The following STAT4 variants were observed in gnomAD, a reference collection of about 807,000 sequenced individuals.
The protein encoded by STAT4 is signal transducer and activator of transcription 4.
A neutral mutation model predicts 110.5 loss-of-function variants in STAT4; 42 were observed. That is an observed-to-expected ratio of 0.38 (90% CI 0.30 to 0.49). The LOEUF (loss-of-function observed/expected upper bound fraction) is 0.49, where lower values mean the gene tolerates loss of function less well. Among genes scored for constraint, STAT4 ranks in the 20% least tolerant of loss-of-function variants. The probability of loss-of-function intolerance (pLI) is 0.95; values close to 1 mark genes in which losing one functional copy is unlikely to be tolerated. For synonymous variants in STAT4, 284 were observed against 302.2 expected (o/e 0.94, Z 0.63); for missense variants, 632 against 887.9 (o/e 0.71, Z 3.66).
chr2:191,048,181 A>C (rs997120104), intron 14 of STAT4, among the ~76,000 whole-genome samples: 1 of 152,170 alleles, frequency 6.6e-6, no homozygotes, highest in Non-Finnish European at 1.5e-5. Context: ...TACTGAACTG[A>C]AATGTGGGTG....
At position 191,132,894 on chromosome 2, in the gene STAT4, G is replaced by A. The variant is rs573569289; in HGVS notation, c.273+13719C>T. Among the ~76,000 whole-genome samples, 168 of 151,104 alleles carry A rather than the reference G, an allele frequency of 1.1e-3. 2 individuals carry two copies. Among genetic ancestry groups the A allele is most frequent in the Non-Finnish European group, 1.8e-3 (124 of 67,920 alleles). ...CTCAGCCTCCCAAGTAGCTGAGACTGCAGGCGCCCGCCACCATGCCCGGCT... is the reference window on the plus strand; with the variant it reads ...CTCAGCCTCCCAAGTAGCTGAGACTACAGGCGCCCGCCACCATGCCCGGCT... On this transcript the variant is annotated intron_variant, in intron 3 of 23. Transcript: ENST00000392320.
At position 191,147,809 on chromosome 2, in the gene STAT4, C is replaced by T. The variant is rs934935629; in HGVS notation, c.128+267G>A. ...AGAGAACTGACAATCAATTGATTTGCTTCTTTTTTTAATACATGAAAAATT... is the reference window on the plus strand; with the variant it reads ...AGAGAACTGACAATCAATTGATTTGTTTCTTTTTTTAATACATGAAAAATT... On this transcript the variant is annotated intron_variant, in intron 2 of 23. Coordinates refer to ENST00000392320, the MANE Select transcript of STAT4 (RefSeq NM_003151.4). This position sits in a 1 kb window ranked among gnomAD's most constrained non-coding sequence, Gnocchi z 4.1. Among the ~76,000 whole-genome samples, 4 of 151,926 alleles carry T rather than the reference C, an allele frequency of 2.6e-5. No individual in the cohort carries two copies. The South Asian group carries it at 6.2e-4, about 24-fold the overall frequency.
In STAT4 at chr2:191,073,093, C is replaced by T. The variant is rs752873506; in HGVS notation, c.465+5G>A. ...CTTTCTAGGTATCTGTATAAAAGCACTTACCTGCACACTGTTTTTAATGGC... is the reference window on the plus strand; with the variant it reads ...CTTTCTAGGTATCTGTATAAAAGCATTTACCTGCACACTGTTTTTAATGGC... On this transcript the variant is annotated splice_donor_5th_base_variant and intron_variant, in intron 5 of 23. Coordinates refer to ENST00000392320, the MANE Select transcript of STAT4 (RefSeq NM_003151.4). The T allele has an allele frequency of 6.2e-7, 1 of 1,613,212 alleles. No individual in the cohort carries two copies. Among genetic ancestry groups the T allele is most frequent in the Non-Finnish European group, 8.5e-7 (1 of 1,179,272 alleles).
intron 3 of STAT4, among the ~76,000 whole-genome samples, chr2:191,137,302 C>G: frequency 6.6e-6 from 1 of 151,794 alleles, no homozygotes. Flanking sequence ...CAAGGCACTC[C>G]AGCCTGGGCA....
chr2:191,054,060 G>A (rs1190649577), intron 14 of STAT4, among the ~76,000 whole-genome samples: 1 of 146,618 alleles, frequency 6.8e-6, no homozygotes, highest in Non-Finnish European at 1.5e-5. Context: ...CCTGGGAGGC[G>A]AAAGCTGCAG....
At chr2:191,131,690 TCAA>T in intron 3 of STAT4, 1 of 1,044,270 alleles carries the variant, frequency 9.6e-7, no homozygotes, top group South Asian at 4.9e-5. Context: ...GTATAAAATG[TCAA>T]CAACAGTTTG....
chr2:191,121,632 G>A (rs1698732886), intron 3 of STAT4, among the ~76,000 whole-genome samples: 1 of 152,080 alleles, frequency 6.6e-6, no homozygotes, highest in Non-Finnish European at 1.5e-5. Context: ...GGACATGGAT[G>A]AAGCTGGAAA....
At chr2:191,093,275 C>A (rs1381870600) in intron 3 of STAT4, among the ~76,000 whole-genome samples, 1 of 152,210 alleles carries the variant, frequency 6.6e-6, no homozygotes, top group African/African-American at 2.4e-5. Context: ...TGTAGCCTAA[C>A]CGGGAGACAC....
Position 191,031,014 on chromosome 2 carries a change from C to G in STAT4, c.2178G>C (p.Ala726=), listed in dbSNP as rs139030621. The change falls in exon 23 of 24, where the codon GCG becomes GCC. Residue 726 remains alanine, a synonymous_variant. Coordinates refer to ENST00000392320, the MANE Select transcript of STAT4 (RefSeq NM_003151.4). The surrounding 1 kb of genome is among the most constrained non-coding windows in gnomAD (Gnocchi z 4.8). ...TGGGACTCAGGTTTTCTCTCAACAC[C>G]GCATACACACTTGGAGACATGGGAA... The part of the protein sequence containing the change: ...DLLPMSPSVY[A]VLRENLSPTT... The G allele has an allele frequency of 1.2e-6, 2 of 1,613,920 alleles. No individual in the cohort carries two copies. The highest frequency in any genetic ancestry group is 1.7e-6 in the Non-Finnish European group (2 of 1,179,852).
intron 3 of STAT4, among the ~76,000 whole-genome samples, chr2:191,119,112 C>A (rs916914529): frequency 3.3e-5 from 5 of 151,994 alleles, no homozygotes; most frequent in Non-Finnish European, 7.4e-5. Context: ...ATGGTTCTGA[C>A]AAAATAATCA....
Position 191,112,511 on chromosome 2 carries a change from G to T in STAT4, c.273+34102C>A, listed in dbSNP as rs1394558317. Among the ~76,000 whole-genome samples, 2 of 152,190 alleles carry T rather than the reference G, an allele frequency of 1.3e-5. No homozygotes were observed. The highest frequency in any genetic ancestry group is 2.4e-5 in the African/African-American group (1 of 41,418). On this transcript the variant is annotated intron_variant, in intron 3 of 23. Coordinates refer to ENST00000392320, the MANE Select transcript of STAT4 (RefSeq NM_003151.4). The surrounding 1 kb of genome is among the most constrained non-coding windows in gnomAD (Gnocchi z 4.3). ...AATGGATGAATACATATGGGTATATGTATGCATATATATTTTTTACTAAAA... is the reference window on the plus strand; with the variant it reads ...AATGGATGAATACATATGGGTATATTTATGCATATATATTTTTTACTAAAA...
At position 191,031,119 on chromosome 2, in the gene STAT4, A is replaced by G; in HGVS notation, c.2112-39T>C. 1 of 1,594,590 alleles carries G rather than the reference A, an allele frequency of 6.3e-7. No individual in the cohort carries two copies. Among genetic ancestry groups the G allele is most frequent in the South Asian group, 1.1e-5 (1 of 90,502 alleles). ...CAAGGTCAATATGGACAAGGATTAA[A>G]AAATAATAATAGTTCACGGTGACTT... On this transcript the variant is annotated intron_variant, in intron 22 of 23. Transcript: ENST00000392320. The surrounding 1 kb of genome is among the most constrained non-coding windows in gnomAD (Gnocchi z 4.8).
At chr2:191,038,969 A>C (rs952165591) in intron 16 of STAT4, among the ~76,000 whole-genome samples, 5 of 152,134 alleles carry the variant, frequency 3.3e-5, no homozygotes, top group Non-Finnish European at 4.4e-5. Context: ...ACCCTCAGAA[A>C]TAACAAATCC....
intron 13 of STAT4, among the ~76,000 whole-genome samples, chr2:191,056,161 A>G (rs1696686268): frequency 6.6e-6 from 1 of 152,232 alleles, no homozygotes; most frequent in Admixed American, 6.5e-5. Context: ...TTATCATTTT[A>G]ACATTTTATC....
intron 15 of STAT4, among the ~76,000 whole-genome samples, chr2:191,040,500 A>G (rs1297974915): frequency 6.6e-6 from 1 of 152,188 alleles, no homozygotes; most frequent in Non-Finnish European, 1.5e-5. Flanking sequence ...AACTTGAGCA[A>G]CAAATTATTT....
chr2:191,096,430 T>A (rs1697984757), intron 3 of STAT4, among the ~76,000 whole-genome samples: 1 of 152,166 alleles, frequency 6.6e-6, no homozygotes, highest in African/African-American at 2.4e-5. Context: ...CACGATCAAG[T>A]TGGCTTCATC....
At chr2:191,124,518 T>C (rs1233674188) in intron 3 of STAT4, among the ~76,000 whole-genome samples, 2 of 149,596 alleles carry the variant, frequency 1.3e-5, no homozygotes, top group Non-Finnish European at 3.0e-5. Flanking sequence ...TGTTAAGCAG[T>C]GGAAAACAAA....
intron 3 of STAT4, among the ~76,000 whole-genome samples, chr2:191,087,060 A>G (rs571273231): frequency 6.6e-6 from 1 of 152,264 alleles, no homozygotes; most frequent in South Asian, 2.1e-4. Flanking sequence ...AATGCCTCTT[A>G]TTAGAGATCT....
At chr2:191,096,778 G>A (rs1411677063) in intron 3 of STAT4, among the ~76,000 whole-genome samples, 1 of 152,142 alleles carries the variant, frequency 6.6e-6, no homozygotes, top group Non-Finnish European at 1.5e-5. Context: ...AGGGCAATCA[G>A]GCAAGATAAC....
Sources: allele counts gnomAD v4.1 joint callset (sites outside exome capture counted in the v4.1 genomes callset), GRCh38; gene constraint gnomAD v4.1.1; non-coding constraint Gnocchi (gnomAD v3.1); transcripts MANE v1.5; gene names NCBI Gene and HGNC (gene_info 2026-07-23, HGNC 2026-07-21).